The following FTL variants were observed in gnomAD, a reference collection of about 807,000 sequenced individuals.
FTL encodes ferritin light chain, also known as epididymis secretory sperm binding protein.
FTL carries 17 observed loss-of-function variants against 16.6 expected under a neutral mutation model. The ratio of observed to expected loss-of-function variants is 1.02; its 90% confidence interval spans 0.70 to 1.53. The LOEUF (loss-of-function observed/expected upper bound fraction) is 1.53, where lower values mean the gene tolerates loss of function less well. FTL is among the 40% of genes most tolerant of loss of function. The probability of loss-of-function intolerance (pLI) is 0.00; values close to 1 mark genes in which losing one functional copy is unlikely to be tolerated. For missense variants in FTL, 186 were observed against 226.1 expected, an observed-to-expected ratio of 0.82 and a Z score of 1.14; for synonymous variants, 73 against 89.9, an observed-to-expected ratio of 0.81 and a Z score of 1.06.
chr19:48,966,444 C>T (rs2038456354), intron 3 of FTL, 38 bp downstream of exon 3: 3 of 1,614,116 alleles, frequency 1.9e-6, no homozygotes, highest in East Asian at 2.2e-5. Context: ...CCAACCATAC[C>T]CCTCAAGCCT....
In FTL at chr19:48,965,754, C is replaced by T. The variant is rs747157585; in HGVS notation, c.103-16C>T. 1 of 1,614,126 alleles carries T rather than the reference C, an allele frequency of 6.2e-7. No individual in the cohort carries two copies. Among genetic ancestry groups the T allele is most frequent in the South Asian group, 1.1e-5 (1 of 91,064 alleles). Reference sequence around the variant, plus strand: ...CGCCTCCCGCTAACCATTGTTGCCTCCATCTCTTCCCGTAGGGCTTCTATT... The same window carrying T: ...CGCCTCCCGCTAACCATTGTTGCCTTCATCTCTTCCCGTAGGGCTTCTATT... On this transcript the variant is annotated splice_polypyrimidine_tract_variant and intron_variant, in intron 1 of 3. Transcript: ENST00000331825.
Position 48,965,760 on chromosome 19 carries a change from C to T in FTL, c.103-10C>T, listed in dbSNP as rs765549925. On this transcript the variant is annotated splice_polypyrimidine_tract_variant and intron_variant, in intron 1 of 3. Coordinates refer to ENST00000331825, the MANE Select transcript of FTL (RefSeq NM_000146.4). The stretch of plus-strand genomic sequence containing the variant: ...CCGCTAACCATTGTTGCCTCCATCT[C>T]TTCCCGTAGGGCTTCTATTTCGACC... The T allele has an allele frequency of 1.5e-5, 25 of 1,614,008 alleles. No individual in the cohort carries two copies. The East Asian group carries it at 5.3e-4, about 35-fold the overall frequency.
At chr19:48,966,125 C>A in intron 2 of FTL, 156 bp from the exon 3 acceptor site, 1 of 1,265,106 alleles carries the variant, frequency 7.9e-7, no homozygotes, top group Non-Finnish European at 1.1e-6. Flanking sequence ...GGACGTATAG[C>A]TGTAAGAGCT....
chr19:48,966,833 T>G lies in FTL; in HGVS notation c.*98T>G. On this transcript the variant is annotated 3_prime_UTR_variant, in exon 4 of 4. Transcript: ENST00000331825. The stretch of plus-strand genomic sequence containing the variant: ...CCAGCCAATAGGCAGCTTTCTTAAC[T>G]ATCCTAACAAGCCTTGGACCAAATG... The G allele has an allele frequency of 7.8e-7, 1 of 1,287,518 alleles. No homozygotes were observed. Among genetic ancestry groups the G allele is most frequent in the Non-Finnish European group, 1.1e-6 (1 of 895,702 alleles). 79.8% of individuals were successfully genotyped at this position (1,287,518 alleles called of 1,614,324 possible).
At position 48,966,633 on chromosome 19, in the gene FTL, C is replaced by G; in HGVS notation, c.426C>G (p.Ile142Met). ...TCCTAGATGAGGAAGTGAAGCTTAT[C>G]AAGAAGATGGGTGACCACCTGACCA... ...THFLDEEVKLIKKMGDHLTNL... is the reference protein window; with the variant it reads ...THFLDEEVKLMKKMGDHLTNL... Residue 142 changes from isoleucine (I) to methionine (M), a missense_variant, in exon 4 of 4, where the codon ATC becomes ATG. Physicochemically the swap from Ile to Met is conservative, Grantham distance 10. Coordinates refer to ENST00000331825, the MANE Select transcript of FTL (RefSeq NM_000146.4). 1.2e-6 allele frequency: 2 copies of G among 1,614,004 alleles called. No homozygotes were observed. Among genetic ancestry groups the G allele is most frequent in the South Asian group, 2.2e-5 (2 of 91,064 alleles).
In FTL at chr19:48,965,612, G is replaced by C; in HGVS notation, c.102+3G>C. 1 of 1,611,664 alleles carries C rather than the reference G, an allele frequency of 6.2e-7. No individual in the cohort carries two copies. The highest frequency in any genetic ancestry group is 8.5e-7 in the Non-Finnish European group (1 of 1,177,752). ...CCTCCTACACCTACCTCTCTCTGGT[G>C]AGTCCCCAGGACGCCCCTGGCCCTA... On this transcript the variant is annotated splice_donor_region_variant and intron_variant, in intron 1 of 3. Transcript: ENST00000331825.
rs1267572852 is a variant in FTL at position 48,965,379 on chromosome 19, C to A, written c.-129C>A. On this transcript the variant is annotated 5_prime_UTR_variant, in exon 1 of 4. Coordinates refer to ENST00000331825, the MANE Select transcript of FTL (RefSeq NM_000146.4). Reference sequence around the variant, plus strand: ...TGGACGGAACAGATCCGGGGACTCTCTTCCAGCCTCCGACCGCCCTCCGAT... The same window carrying A: ...TGGACGGAACAGATCCGGGGACTCTATTCCAGCCTCCGACCGCCCTCCGAT... 1.4e-6 allele frequency: 1 copy of A among 725,910 alleles called. No individual in the cohort carries two copies. Among genetic ancestry groups the A allele is most frequent in the Non-Finnish European group, 2.5e-6 (1 of 402,380 alleles). The allele number at this position is 725,910 out of a possible 1,614,324, so 45.0% of individuals were successfully genotyped here.
At chr19:48,965,721 C>T (rs192210457) in intron 1 of FTL, 49 bp from the exon 2 acceptor site, 1 of 1,613,550 alleles carries the variant, frequency 6.2e-7, no homozygotes, top group Non-Finnish European at 8.5e-7. Context: ...GCGGAGTCCC[C>T]TTGGCCTCGC....
rs2038452845 is a variant in FTL at position 48,966,265 on chromosome 19, T to C, written c.250-16T>C. ...CCGAGTGTGTGTATTCTGAGCCATT[T>C]CTCCCTTCTATATAGAAGCCAGCTG... On this transcript the variant is annotated splice_polypyrimidine_tract_variant and intron_variant, in intron 2 of 3. Coordinates refer to ENST00000331825, the MANE Select transcript of FTL (RefSeq NM_000146.4). The C allele has an allele frequency of 1.9e-6, 3 of 1,613,762 alleles. No individual in the cohort carries two copies. Among genetic ancestry groups the C allele is most frequent in the Middle Eastern group, 3.3e-4 (2 of 6,050 alleles).
rs988614907 is a variant in FTL at position 48,965,331 on chromosome 19, C to T, written c.-177C>T. 75 of 650,672 alleles carry T rather than the reference C, an allele frequency of 1.2e-4. No individual in the cohort carries two copies. The highest frequency in any genetic ancestry group is 4.1e-4 in the Middle Eastern group (1 of 2,468). The allele number at this position is 650,672 out of a possible 1,614,324, so 40.3% of individuals were successfully genotyped here. On this transcript the variant is annotated 5_prime_UTR_variant, in exon 1 of 4. Transcript: ENST00000331825. ...CTCGCAGTTCGGCGGTCCCGCGGGT[C>T]TGTCTCTTGCTTCAACAGTGTTTGG...
chr19:48,965,977 G>C, intron 2 of FTL, 61 bp downstream of exon 2: 2 of 1,588,162 alleles, frequency 1.3e-6, no homozygotes, highest in Non-Finnish European at 1.7e-6. Flanking sequence ...GAGGAGCCTT[G>C]ATTTGAGGGC....
At chr19:48,966,452 C>T in intron 3 of FTL, 46 bp downstream of exon 3, 1 of 1,614,120 alleles carries the variant, frequency 6.2e-7, no homozygotes, top group South Asian at 1.1e-5. Flanking sequence ...ACCCCTCAAG[C>T]CTCTGCTCCC....
chr19:48,966,281 A>C lies in FTL; in HGVS notation c.250A>C (p.Lys84Gln). The change falls in exon 3 of 4, where the codon AAG becomes CAG. Residue 84 changes from lysine (K) to glutamine (Q), a missense_variant and splice_region_variant. Physicochemically the swap from Lys to Gln is moderately conservative, Grantham distance 53. Coordinates refer to ENST00000331825, the MANE Select transcript of FTL (RefSeq NM_000146.4). The stretch of plus-strand genomic sequence containing the variant: ...TGAGCCATTTCTCCCTTCTATATAG[A>C]AGCCAGCTGAAGATGAGTGGGGTAA... The part of the protein sequence containing the change: ...GGRALFQDIK[K>Q]PAEDEWGKTP... 1 of 1,614,072 alleles carries C rather than the reference A, an allele frequency of 6.2e-7. No individual in the cohort carries two copies. Among genetic ancestry groups the C allele is most frequent in the Non-Finnish European group, 8.5e-7 (1 of 1,180,018 alleles).
Position 48,965,410 on chromosome 19 carries a change from C to A in FTL, c.-98C>A, listed in dbSNP as rs2038439470. 8 of 829,726 alleles carry A rather than the reference C, an allele frequency of 9.6e-6. No individual in the cohort carries two copies. Among genetic ancestry groups the A allele is most frequent in the Non-Finnish European group, 1.7e-5 (8 of 481,862 alleles). The allele number at this position is 829,726 out of a possible 1,614,324, so 51.4% of individuals were successfully genotyped here. ...GCCTCCGACCGCCCTCCGATTTCCT[C>A]TCCGCTTGCAACCTCCGGGACCATC... On this transcript the variant is annotated 5_prime_UTR_variant, in exon 1 of 4. Transcript: ENST00000331825.
At chr19:48,966,031 G>T in intron 2 of FTL, 115 bp downstream of exon 2, 1 of 1,398,048 alleles carries the variant, frequency 7.2e-7, no homozygotes. Flanking sequence ...TCGGTCTTGT[G>T]AGCCCTCTTA....
rs540858193 is a variant in FTL at position 48,966,191 on chromosome 19, G to A, written c.250-90G>A. On this transcript the variant is annotated intron_variant, in intron 2 of 3. Coordinates refer to ENST00000331825, the MANE Select transcript of FTL (RefSeq NM_000146.4). Reference sequence around the variant, plus strand: ...GCTGTCACATGTCTTTGTGGCCTGGGCCTCTGACCCCCAACGACTCTTGGG... The same window carrying A: ...GCTGTCACATGTCTTTGTGGCCTGGACCTCTGACCCCCAACGACTCTTGGG... 9.5e-5 allele frequency: 150 copies of A among 1,575,934 alleles called. No homozygotes were observed. In the African/African-American group the frequency reaches 1.4e-3, roughly 15 times the overall value.
At position 48,965,760 on chromosome 19, in the gene FTL, C is replaced by CTTCCCGTAGGGCTTCTAT; in HGVS notation, c.103-6_114dup. The CTTCCCGTAGGGCTTCTAT allele has an allele frequency of 6.2e-7, 1 of 1,614,126 alleles. No individual in the cohort carries two copies. The highest frequency in any genetic ancestry group is 8.5e-7 in the Non-Finnish European group (1 of 1,180,016). On this transcript the variant is annotated splice_polypyrimidine_tract_variant and intron_variant, in intron 1 of 3. Transcript: ENST00000331825. ...CCGCTAACCATTGTTGCCTCCATCT[C>CTTCCCGTAGGGCTTCTAT]TTCCCGTAGGGCTTCTATTTCGACC...
chr19:48,965,374 A>T lies in FTL; in HGVS notation c.-134A>T, dbSNP rs1463766648. On this transcript the variant is annotated 5_prime_UTR_variant, in exon 1 of 4. Coordinates refer to ENST00000331825, the MANE Select transcript of FTL (RefSeq NM_000146.4). ...GTGTTTGGACGGAACAGATCCGGGG[A>T]CTCTCTTCCAGCCTCCGACCGCCCT... The T allele has an allele frequency of 2.5e-5, 18 of 713,922 alleles. No individual in the cohort carries two copies. Among genetic ancestry groups the T allele is most frequent in the Admixed American group, 1.6e-4 (8 of 50,704 alleles). The allele number at this position is 713,922 out of a possible 1,614,324, so 44.2% of individuals were successfully genotyped here. A position where few individuals can be genotyped will look rare whatever the true frequency, so the allele number is the denominator to read the frequency against.
At chr19:48,966,172 AC>A in intron 2 of FTL, 108 bp from the exon 3 acceptor site, 1 of 1,490,956 alleles carries the variant, frequency 6.7e-7, no homozygotes. Flanking sequence ...ACAAGCTGTC[AC>A]ATGTCTTTGT....
Sources: allele counts gnomAD v4.1 joint callset, GRCh38; gene constraint gnomAD v4.1.1; transcripts MANE v1.5; gene names NCBI Gene and HGNC (gene_info 2026-07-23, HGNC 2026-07-21).